Variants in YWHAZ observed in about 807,000 individuals in gnomAD.
YWHAZ encodes the protein 14-3-3 protein zeta/delta.
For synonymous variants in YWHAZ, 87 were observed against 103.6 expected, an observed-to-expected ratio of 0.84 and a Z score of 0.97; for missense variants, 79 against 284.8, an observed-to-expected ratio of 0.28 and a Z score of 5.20.
chr8:100,920,798 G>A lies in YWHAZ; in HGVS notation c.679-46C>T. ...TTTTCAGCAAGTTTCAGTGGGATGG[G>A]GGGGGGGGGGCGTTTTCATATAAGT... On this transcript the variant is annotated intron_variant, in intron 5 of 5. Coordinates refer to ENST00000395958, the MANE Select transcript of YWHAZ (RefSeq NM_145690.3). 4 of 1,004,586 alleles carry A rather than the reference G, an allele frequency of 4.0e-6. 1 individual carries two copies. The highest frequency in any genetic ancestry group is 1.4e-5 in the South Asian group (1 of 71,412). The allele number at this position is 1,004,586 out of a possible 1,614,324, so 62.2% of individuals were successfully genotyped here. A position where few individuals can be genotyped will look rare whatever the true frequency, so the allele number is the denominator to read the frequency against.
At chr8:100,927,308 T>C (rs1020562869) in intron 2 of YWHAZ, among the ~76,000 whole-genome samples, 1 of 152,102 alleles carries the variant, frequency 6.6e-6, no homozygotes, top group Non-Finnish European at 1.5e-5. Flanking sequence ...GGATCACTTC[T>C]TGAGTCCAGG....
In YWHAZ at chr8:100,948,312, G is replaced by C; in HGVS notation, c.294+284C>G. ...AAATATTCTAACCATAAGTAAAACAGTAACACAATTAGTTTATATTTTCAA... is the reference window on the plus strand; with the variant it reads ...AAATATTCTAACCATAAGTAAAACACTAACACAATTAGTTTATATTTTCAA... On this transcript the variant is annotated intron_variant, in intron 2 of 5. Coordinates refer to ENST00000395958, the MANE Select transcript of YWHAZ (RefSeq NM_145690.3). This position sits in a 1 kb window ranked among gnomAD's most constrained non-coding sequence, Gnocchi z 4.2. The C allele has an allele frequency of 4.7e-6, 3 of 639,348 alleles. No homozygotes were observed. The highest frequency in any genetic ancestry group is 7.6e-6 in the Non-Finnish European group (3 of 393,730). 39.6% of individuals were successfully genotyped at this position (639,348 alleles called of 1,614,324 possible).
chr8:100,952,661 G>A (rs556254695), upstream of YWHAZ: 198 of 476,136 alleles, frequency 4.2e-4, 1 homozygote, highest in African/African-American at 4.0e-3. Context: ...GGGTGGCTCG[G>A]CGGCTCCGGC....
intron 2 of YWHAZ, among the ~76,000 whole-genome samples, chr8:100,933,645 A>G (rs1472737768): frequency 6.6e-6 from 1 of 152,186 alleles, no homozygotes; most frequent in African/African-American, 2.4e-5. Flanking sequence ...CATTGTCTGT[A>G]CAGATAGTGT....
chr8:100,950,314 G>A (rs1810615669), intron 1 of YWHAZ: 2 of 924,572 alleles, frequency 2.2e-6, no homozygotes, highest in Non-Finnish European at 2.6e-6. Flanking sequence ...GGTACAAGAG[G>A]AAGTGGATAA....
intron 2 of YWHAZ, among the ~76,000 whole-genome samples, chr8:100,938,437 T>C (rs1814355598): frequency 6.6e-6 from 1 of 152,200 alleles, no homozygotes; most frequent in Non-Finnish European, 1.5e-5. Context: ...CTTAAACATA[T>C]TTCTACAAAT....
chr8:100,928,854 G>C (rs932335364), intron 2 of YWHAZ, among the ~76,000 whole-genome samples: 4 of 152,100 alleles, frequency 2.6e-5, no homozygotes, highest in Non-Finnish European at 5.9e-5. Flanking sequence ...AAACTGTCAG[G>C]ATAATGGAAA....
Position 100,948,015 on chromosome 8 carries a change from T to C in YWHAZ, c.294+581A>G, listed in dbSNP as rs1018238682. On this transcript the variant is annotated intron_variant, in intron 2 of 5. Transcript: ENST00000395958. The surrounding 1 kb of genome is among the most constrained non-coding windows in gnomAD (Gnocchi z 4.2). ...AATACTTAAAATACTCGATTCAAAC[T>C]GGAAAATCAAGCTTGAGTTGTTCAT... is the stretch of plus-strand genomic sequence containing the variant. 7.8e-7 allele frequency: 1 copy of C among 1,275,688 alleles called. No homozygotes were observed. The highest frequency in any genetic ancestry group is 1.5e-5 in the African/African-American group (1 of 67,216). The allele number at this position is 1,275,688 out of a possible 1,614,324, so 79.0% of individuals were successfully genotyped here. A position where few individuals can be genotyped will look rare whatever the true frequency, so the allele number is the denominator to read the frequency against.
At chr8:100,940,585 T>C (rs966053987) in intron 2 of YWHAZ, among the ~76,000 whole-genome samples, 6 of 152,252 alleles carry the variant, frequency 3.9e-5, no homozygotes, top group Admixed American at 1.3e-4. Context: ...TTCAGCTTTC[T>C]AAAGTTCTCT....
Position 100,924,054 on chromosome 8 carries a change from C to A in YWHAZ, c.583-4G>T. The A allele has an allele frequency of 6.2e-7, 1 of 1,608,304 alleles. No homozygotes were observed. Among genetic ancestry groups the A allele is most frequent in the Non-Finnish European group, 8.5e-7 (1 of 1,178,508 alleles). On this transcript the variant is annotated splice_region_variant and splice_polypyrimidine_tract_variant and intron_variant, in intron 4 of 5. Coordinates refer to ENST00000395958, the MANE Select transcript of YWHAZ (RefSeq NM_145690.3). The surrounding 1 kb of genome is among the most constrained non-coding windows in gnomAD (Gnocchi z 5.7). ...CAGCAATGGCTTCATCAAAAGCCTA[C>A]GATTTAAAAATAGTACATTACATTT... is the stretch of plus-strand genomic sequence containing the variant.
rs1750513360 is a variant in YWHAZ, at chr8:100,948,492, A to T, written c.294+104T>A. 1 of 1,294,678 alleles carries T rather than the reference A, an allele frequency of 7.7e-7. No individual in the cohort carries two copies. Among genetic ancestry groups the T allele is most frequent in the Non-Finnish European group, 1.1e-6 (1 of 944,078 alleles). 80.2% of individuals were successfully genotyped at this position (1,294,678 alleles called of 1,614,324 possible). A position where few individuals can be genotyped will look rare whatever the true frequency, so the allele number is the denominator to read the frequency against. Reference sequence around the variant, plus strand: ...AAGACTTTTAAATTTGGAACACACAATGTTTAGAAGGAAAAGAAAAACCAA... The same window carrying T: ...AAGACTTTTAAATTTGGAACACACATTGTTTAGAAGGAAAAGAAAAACCAA... On this transcript the variant is annotated intron_variant, in intron 2 of 5. Transcript: ENST00000395958. The surrounding 1 kb of genome is among the most constrained non-coding windows in gnomAD (Gnocchi z 4.2).
intron 2 of YWHAZ, among the ~76,000 whole-genome samples, chr8:100,947,262 A>C (rs571463344): frequency 6.5e-4 from 99 of 152,092 alleles, no homozygotes; most frequent in Non-Finnish European, 1.0e-3. Flanking sequence ...TCAAAAAAAA[A>C]AAAAAACAAA....
Position 100,932,438 on chromosome 8 carries a change from G to A in YWHAZ, c.295-7399C>T, listed in dbSNP as rs72667366. 9.4e-3 allele frequency among the ~76,000 whole-genome samples: 1,431 copies of A among 151,980 alleles called. 17 individuals carry two copies. The highest frequency in any genetic ancestry group is 0.014 in the Non-Finnish European group (965 of 67,966). ...CCTCTATAAATAGGTACATTTTCTAGGAAAAAACCCTAAACGGTAACAATA... is the reference window on the plus strand; with the variant it reads ...CCTCTATAAATAGGTACATTTTCTAAGAAAAAACCCTAAACGGTAACAATA... On this transcript the variant is annotated intron_variant, in intron 2 of 5. Transcript: ENST00000395958.
chr8:100,946,218 G>T (rs556399335), intron 2 of YWHAZ, among the ~76,000 whole-genome samples: 1 of 152,214 alleles, frequency 6.6e-6, no homozygotes, highest in South Asian at 2.1e-4. Flanking sequence ...TCTTCATAAG[G>T]AAACTAAAGG....
chr8:100,934,210 G>C (rs1027520844), intron 2 of YWHAZ, among the ~76,000 whole-genome samples: 1 of 145,328 alleles, frequency 6.9e-6, no homozygotes, highest in Admixed American at 7.0e-5. Context: ...GTGTGCACTT[G>C]CACTCCCAGC....
intron 1 of YWHAZ, chr8:100,951,357 G>A: frequency 1.0e-6 from 1 of 984,612 alleles, no homozygotes; most frequent in Non-Finnish European, 1.2e-6. Context: ...CGGGGTGGGG[G>A]AGGGCCGGGT....
intron 2 of YWHAZ, among the ~76,000 whole-genome samples, chr8:100,941,750 A>C (rs1449482175): frequency 2.6e-5 from 4 of 151,730 alleles, no homozygotes; most frequent in Non-Finnish European, 5.9e-5. Flanking sequence ...GTGCCACTGC[A>C]CTCCAGCCTG....
chr8:100,923,036 ACT>A (rs775739682), intron 5 of YWHAZ: 5 of 152,128 alleles, frequency 3.3e-5, no homozygotes, highest in Non-Finnish European at 7.4e-5. Context: ...TATTCAAAAA[ACT>A]CTTCAAGATT....
chr8:100,952,219 G>T (rs748515181), upstream of YWHAZ: 252 of 932,516 alleles, frequency 2.7e-4, no homozygotes, highest in Non-Finnish European at 3.1e-4. Flanking sequence ...GCGCTGGAGG[G>T]CGAGCGGAGG....
Sources: gnomAD v4.1 joint callset for allele counts (sites outside exome capture counted in the v4.1 genomes callset) on GRCh38, gnomAD v4.1.1 for gene constraint, Gnocchi (gnomAD v3.1) non-coding constraint, MANE v1.5 for transcripts, NCBI Gene and HGNC (gene_info 2026-07-23, HGNC 2026-07-21) for gene names.